The following RABGAP1L variants were observed in gnomAD, a reference collection of about 807,000 sequenced individuals.
RABGAP1L encodes RAB GTPase activating protein 1 like.
In RABGAP1L, 63 loss-of-function variants were observed where a neutral mutation model predicts 137.7. The observed-to-expected ratio is 0.46, with a 90% CI of 0.37 to 0.56. The LOEUF (loss-of-function observed/expected upper bound fraction) is 0.56. RABGAP1L is among the 20% of genes least tolerant of loss of function. The probability of loss-of-function intolerance (pLI) is 0.00; values close to 1 mark genes in which losing one functional copy is unlikely to be tolerated. For synonymous variants in RABGAP1L, 431 were observed against 433.7 expected, an observed-to-expected ratio of 0.99 and a Z score of 0.08; for missense variants, 1,095 against 1,244.0, an observed-to-expected ratio of 0.88 and a Z score of 1.80.
chr1:174,189,645 A>G (rs1667067288), intron 1 of RABGAP1L, among the ~76,000 whole-genome samples: 1 of 152,140 alleles, frequency 6.6e-6, no homozygotes, highest in East Asian at 1.9e-4. Flanking sequence ...GTGGATTATC[A>G]TGGGAGTGAG....
At chr1:174,741,999 A>AC (rs1375606561) in intron 17 of RABGAP1L, among the ~76,000 whole-genome samples, 1 of 146,916 alleles carries the variant, frequency 6.8e-6, no homozygotes. Context: ...TGATAGCACT[A>AC]CTATGCTCCA....
chr1:174,494,878 G>T (rs1360222318), intron 13 of RABGAP1L, among the ~76,000 whole-genome samples: 1 of 152,148 alleles, frequency 6.6e-6, no homozygotes, highest in Non-Finnish European at 1.5e-5. Flanking sequence ...ACAAGTCAAA[G>T]TTGGGGAGAC....
chr1:174,684,050 G>C (rs538300348), intron 15 of RABGAP1L, among the ~76,000 whole-genome samples: 1 of 152,326 alleles, frequency 6.6e-6, no homozygotes, highest in African/African-American at 2.4e-5. Context: ...TTATAAAGAT[G>C]AATCATTTAT....
At chr1:174,855,674 A>G (rs987129586) in intron 19 of RABGAP1L, among the ~76,000 whole-genome samples, 1 of 152,218 alleles carries the variant, frequency 6.6e-6, no homozygotes, top group Non-Finnish European at 1.5e-5. Flanking sequence ...AAACAAAGAC[A>G]TGGCTCTTGA....
At position 174,741,730 on chromosome 1, in the gene RABGAP1L, T is replaced by G. The variant is rs931407779; in HGVS notation, c.2170-10583T>G. Among the ~76,000 whole-genome samples the G allele has an allele frequency of 2.6e-5, 4 of 151,608 alleles. No individual in the cohort carries two copies. The South Asian group carries it at 8.3e-4, about 32-fold the overall frequency. On this transcript the variant is annotated intron_variant, in intron 17 of 25. Transcript: ENST00000681986. Reference sequence around the variant, plus strand: ...GTAACTATGTGTCTTTATTTCTGAGTTCTCTGTTTTGTTCTACTGGTCTAT... The same window carrying G: ...GTAACTATGTGTCTTTATTTCTGAGGTCTCTGTTTTGTTCTACTGGTCTAT...
At chr1:174,461,403 G>A (rs906764826) in intron 13 of RABGAP1L, among the ~76,000 whole-genome samples, 1 of 152,132 alleles carries the variant, frequency 6.6e-6, no homozygotes, top group Non-Finnish European at 1.5e-5. Context: ...CAGCTTTTAC[G>A]TTAGAAAAGT....
intron 13 of RABGAP1L, among the ~76,000 whole-genome samples, chr1:174,526,281 AC>A: frequency 6.6e-6 from 1 of 152,012 alleles, no homozygotes; most frequent in South Asian, 2.1e-4. Context: ...AAAGATATTG[AC>A]CTATAGTTTT....
chr1:174,703,511 T>C (rs1679819316), intron 17 of RABGAP1L, among the ~76,000 whole-genome samples: 1 of 152,216 alleles, frequency 6.6e-6, no homozygotes, highest in South Asian at 2.1e-4. Flanking sequence ...ACGCTGATTT[T>C]GCATCTTTGC....
chr1:174,674,769 T>C (rs1489454313), intron 14 of RABGAP1L, among the ~76,000 whole-genome samples: 1 of 152,162 alleles, frequency 6.6e-6, no homozygotes, highest in East Asian at 1.9e-4. Flanking sequence ...AACTTTTTAA[T>C]GATCGCCATT....
intron 19 of RABGAP1L, among the ~76,000 whole-genome samples, chr1:174,906,064 T>C (rs897692716): frequency 1.2e-4 from 18 of 152,036 alleles, no homozygotes; most frequent in Admixed American, 5.9e-4. Context: ...ATCACCCAGG[T>C]CGGAGTGCAG....
intron 1 of RABGAP1L, chr1:174,159,908 C>A (rs1261442817): frequency 6.6e-6 from 1 of 152,302 alleles, no homozygotes; most frequent in Non-Finnish European, 1.5e-5. Flanking sequence ...GCGGGGTCGG[C>A]GCCCTTACCT....
chr1:174,190,711 A>G (rs892098901), intron 1 of RABGAP1L, among the ~76,000 whole-genome samples: 5 of 152,342 alleles, frequency 3.3e-5, no homozygotes, highest in East Asian at 1.9e-4. Context: ...TTTTAAAAGA[A>G]CTTTATCTTT....
intron 18 of RABGAP1L, among the ~76,000 whole-genome samples, chr1:174,804,948 G>A (rs1689128201): frequency 6.6e-6 from 1 of 152,106 alleles, no homozygotes; most frequent in Non-Finnish European, 1.5e-5. Flanking sequence ...CAGCTGCAAG[G>A]ATTGCTCTTT....
chr1:174,392,112 A>G (rs1571584261), intron 12 of RABGAP1L, among the ~76,000 whole-genome samples: 2 of 152,196 alleles, frequency 1.3e-5, no homozygotes, highest in South Asian at 2.1e-4. Flanking sequence ...TGTTTTTCCA[A>G]ATTAACTAAA....
chr1:174,230,962 G>T (rs1393445209), intron 3 of RABGAP1L, among the ~76,000 whole-genome samples, 183 bp from the exon 4 acceptor site: 1 of 151,780 alleles, frequency 6.6e-6, no homozygotes, highest in Non-Finnish European at 1.5e-5. Context: ...ATAAGATTTA[G>T]GATTATAAAA....
chr1:174,233,605 T>C (rs2148516445), intron 4 of RABGAP1L, among the ~76,000 whole-genome samples: 1 of 140,448 alleles, frequency 7.1e-6, no homozygotes, highest in Admixed American at 6.8e-5. Context: ...TCATCATTTT[T>C]TATGGCTGCA....
intron 13 of RABGAP1L, among the ~76,000 whole-genome samples, chr1:174,407,301 GT>G (rs527590027): frequency 0.042 from 5,977 of 142,228 alleles, 159 homozygotes; most frequent in Middle Eastern, 0.094. Context: ...GTCTCTTTAT[GT>G]TTTTTTTTTT....
chr1:174,555,993 CTT>C lies in RABGAP1L; in HGVS notation c.1711-81361_1711-81360del, dbSNP rs367653521. ...AAATATAAAAGCTGAGTTCGTTTGC[CTT>C]TTTTTTTTTTTTTTTTTTTTAAGAT... is the stretch of plus-strand genomic sequence containing the variant. On this transcript the variant is annotated intron_variant, in intron 13 of 25. Coordinates refer to ENST00000681986, the MANE Select transcript of RABGAP1L (RefSeq NM_001366446.1). 6.6e-3 allele frequency among the ~76,000 whole-genome samples: 764 copies of C among 115,416 alleles called. 26 individuals carry two copies. Among genetic ancestry groups the C allele is most frequent in the Admixed American group, 0.044 (475 of 10,896 alleles). The allele number at this position is 115,416 out of a possible 152,430, so 75.7% of individuals were successfully genotyped here. A position where few individuals can be genotyped will look rare whatever the true frequency, so the allele number is the denominator to read the frequency against.
chr1:174,321,231 A>G (rs181508021), intron 11 of RABGAP1L, among the ~76,000 whole-genome samples: 6 of 152,278 alleles, frequency 3.9e-5, no homozygotes, highest in African/African-American at 1.4e-4. Flanking sequence ...TCCTGATAAG[A>G]TGTTATCAAT....
Sources: gnomAD v4.1 joint callset for allele counts (sites outside exome capture counted in the v4.1 genomes callset) on GRCh38, gnomAD v4.1.1 for gene constraint, MANE v1.5 for transcripts, NCBI Gene and HGNC (gene_info 2026-07-23, HGNC 2026-07-21) for gene names.